ATXN1: variants seen among roughly 807,000 people sequenced by gnomAD.
ATXN1 encodes ataxin 1, also known as ataxin-1.
A neutral mutation model predicts 56.4 loss-of-function variants in ATXN1; 8 were observed. That is an observed-to-expected ratio of 0.14 (90% CI 0.08 to 0.26). ATXN1 has a LOEUF of 0.26. Ranked by LOEUF, ATXN1 falls within the 10% of genes least tolerant of loss-of-function variation. The probability of loss-of-function intolerance (pLI) is 1.00; values close to 1 mark genes in which losing one functional copy is unlikely to be tolerated. For missense variants in ATXN1, 987 were observed against 1,106.5 expected, an observed-to-expected ratio of 0.89 and a Z score of 1.53; for synonymous variants, 514 against 494.6, an observed-to-expected ratio of 1.04 and a Z score of -0.52.
intron 5 of ATXN1, among the ~76,000 whole-genome samples, chr6:16,503,109 C>T (rs1416828165): frequency 2.0e-5 from 3 of 152,154 alleles, no homozygotes; most frequent in Non-Finnish European, 4.4e-5. Flanking sequence ...CAAACAAAAT[C>T]TTATATAGAA....
chr6:16,346,217 G>A (rs888209158), intron 6 of ATXN1, among the ~76,000 whole-genome samples: 1 of 152,060 alleles, frequency 6.6e-6, no homozygotes, highest in African/African-American at 2.4e-5. Context: ...CACCATGCCT[G>A]GCTAGTTTTT....
chr6:16,619,894 G>GAA (rs374935642), intron 3 of ATXN1, among the ~76,000 whole-genome samples: 4 of 139,884 alleles, frequency 2.9e-5, no homozygotes, highest in Admixed American at 7.1e-5. Flanking sequence ...AAAAAAAAAA[G>GAA]AAAAAAAAAA....
At chr6:16,312,164 A>G (rs1008923129) in intron 7 of ATXN1, among the ~76,000 whole-genome samples, 1 of 152,186 alleles carries the variant, frequency 6.6e-6, no homozygotes, top group Admixed American at 6.5e-5. Context: ...GTATCTGTAG[A>G]CTCATTAAGA....
chr6:16,429,448 AAG>A (rs1759232834), intron 6 of ATXN1, among the ~76,000 whole-genome samples: 1 of 136,228 alleles, frequency 7.3e-6, no homozygotes, highest in African/African-American at 2.8e-5. Flanking sequence ...TTTTTTGAGA[AAG>A]AGTCTCCTCC....
intron 4 of ATXN1, among the ~76,000 whole-genome samples, chr6:16,561,915 T>C (rs1762126048): frequency 6.6e-6 from 1 of 152,058 alleles, no homozygotes; most frequent in African/African-American, 2.4e-5. Flanking sequence ...CAACACTCCC[T>C]CAGGACCTGG....
Position 16,718,976 on chromosome 6 carries a change from T to C in ATXN1, c.-615+34257A>G, listed in dbSNP as rs115586962. Among the ~76,000 whole-genome samples, 788 of 152,366 alleles carry C rather than the reference T, an allele frequency of 5.2e-3. 6 individuals are homozygous for C. Among genetic ancestry groups the C allele is most frequent in the Non-Finnish European group, 9.3e-3 (636 of 68,034 alleles). Reference sequence around the variant, plus strand: ...CCATAATTTGGGAAGTGGCTTTGTTTCTCTGACTACTAGACTTCCTGGGGA... The same window carrying C: ...CCATAATTTGGGAAGTGGCTTTGTTCCTCTGACTACTAGACTTCCTGGGGA... On this transcript the variant is annotated intron_variant, in intron 2 of 7. Coordinates refer to ENST00000436367, the MANE Select transcript of ATXN1 (RefSeq NM_001128164.2).
intron 6 of ATXN1, among the ~76,000 whole-genome samples, chr6:16,444,133 G>C (rs953987929): frequency 7.1e-6 from 1 of 141,138 alleles, no homozygotes; most frequent in Non-Finnish European, 1.5e-5. Flanking sequence ...AAAAAAAAAA[G>C]TACACACAAT....
chr6:16,475,360 A>G (rs1760304919), intron 6 of ATXN1, among the ~76,000 whole-genome samples: 1 of 152,222 alleles, frequency 6.6e-6, no homozygotes, highest in Non-Finnish European at 1.5e-5. Context: ...GAGATGAGCA[A>G]GTTGCAACTG....
intron 6 of ATXN1, among the ~76,000 whole-genome samples, chr6:16,423,458 C>T (rs1411430226): frequency 6.6e-6 from 1 of 152,134 alleles, no homozygotes; most frequent in African/African-American, 2.4e-5. Flanking sequence ...ATACCATGGG[C>T]TCGAAGACTT....
At chr6:16,705,159 G>C (rs192920977) in intron 2 of ATXN1, among the ~76,000 whole-genome samples, 76 of 152,330 alleles carry the variant, frequency 5.0e-4, no homozygotes, top group Non-Finnish European at 9.1e-4. Flanking sequence ...GGACTTGGGG[G>C]AGGGCTAAAG....
chr6:16,685,937 A>C (rs796781150), intron 2 of ATXN1, among the ~76,000 whole-genome samples: 14 of 152,340 alleles, frequency 9.2e-5, no homozygotes, highest in African/African-American at 3.4e-4. Flanking sequence ...CAGGGACAAA[A>C]AGTATAAGTA....
chr6:16,537,242 A>T (rs973404951), intron 4 of ATXN1, among the ~76,000 whole-genome samples: 1 of 152,212 alleles, frequency 6.6e-6, no homozygotes, highest in African/African-American at 2.4e-5. Flanking sequence ...AACAAATGTT[A>T]AACCTGTCTA....
rs545428174 is a variant in ATXN1 at position 16,635,133 on chromosome 6, G to A, written c.-489+22643C>T. ...CAGCAACGGCATGAGATTCTCATAG[G>A]AGCGTGAACCCTATTGTGAACTGCA... is the stretch of plus-strand genomic sequence containing the variant. On this transcript the variant is annotated intron_variant, in intron 3 of 7. Coordinates refer to ENST00000436367, the MANE Select transcript of ATXN1 (RefSeq NM_001128164.2). 2.8e-4 allele frequency among the ~76,000 whole-genome samples: 43 copies of A among 152,200 alleles called. No individual in the cohort carries two copies. The East Asian group carries it at 3.7e-3, about 13-fold the overall frequency.
At chr6:16,466,697 GTA>G (rs35542349) in intron 6 of ATXN1, among the ~76,000 whole-genome samples, 2 of 151,548 alleles carry the variant, frequency 1.3e-5, no homozygotes, top group African/African-American at 2.4e-5. Context: ...GTATTTATTT[GTA>G]TATATATATA....
chr6:16,429,994 A>G (rs192669948), intron 6 of ATXN1, among the ~76,000 whole-genome samples: 2 of 152,306 alleles, frequency 1.3e-5, no homozygotes, highest in African/African-American at 2.4e-5. Context: ...CAAAATCACA[A>G]TAAGACTCAG....
At chr6:16,514,908 G>A (rs556570597) in intron 5 of ATXN1, among the ~76,000 whole-genome samples, 9 of 151,808 alleles carry the variant, frequency 5.9e-5, no homozygotes, top group Admixed American at 1.3e-4. Flanking sequence ...ACTTGAACCC[G>A]GGAGGCAGAG....
At chr6:16,442,660 C>T (rs973642635) in intron 6 of ATXN1, among the ~76,000 whole-genome samples, 1 of 152,144 alleles carries the variant, frequency 6.6e-6, no homozygotes, top group African/African-American at 2.4e-5. Context: ...CAATAAACAA[C>T]AGCTAAGAAA....
At chr6:16,536,120 G>C (rs1270955304) in intron 4 of ATXN1, among the ~76,000 whole-genome samples, 1 of 152,132 alleles carries the variant, frequency 6.6e-6, no homozygotes, top group Non-Finnish European at 1.5e-5. Flanking sequence ...AGGGGGCTAA[G>C]ATGGGAGGAT....
At chr6:16,538,056 T>C (rs577301453) in intron 4 of ATXN1, among the ~76,000 whole-genome samples, 198 of 152,326 alleles carry the variant, frequency 1.3e-3, no homozygotes, top group Non-Finnish European at 1.7e-3. Flanking sequence ...CTTCCCAGAT[T>C]AGTGCACTTG....
Sources: allele counts gnomAD v4.1 joint callset (sites outside exome capture counted in the v4.1 genomes callset), GRCh38; gene constraint gnomAD v4.1.1; transcripts MANE v1.5; gene names NCBI Gene and HGNC (gene_info 2026-07-23, HGNC 2026-07-21).